The following CLUH variants were observed in gnomAD, a reference collection of about 807,000 sequenced individuals.
The protein encoded by CLUH is CLUH binding protein of NUMT mRNA.
In CLUH, 77 loss-of-function variants were observed where a neutral mutation model predicts 139.3. The ratio of observed to expected loss-of-function variants is 0.55; its 90% CI spans 0.46 to 0.67. The LOEUF is 0.67. Among genes scored for constraint, CLUH ranks in the 30% least tolerant of loss-of-function variants. The probability of loss-of-function intolerance (pLI) is 0.00; values close to 1 mark genes in which losing one functional copy is unlikely to be tolerated. For synonymous variants in CLUH, 999 were observed against 801.6 expected, an observed-to-expected ratio of 1.25 and a Z score of -4.16; for missense variants, 1,876 against 1,875.8, an observed-to-expected ratio of 1.00 and a Z score of 0.00.
In CLUH at chr17:2,707,588, T is replaced by C; in HGVS notation, c.101-3024A>G. On this transcript the variant is annotated intron_variant, in intron 1 of 25. Transcript: ENST00000651024. The surrounding 1 kb of genome is among the most constrained non-coding windows in gnomAD (Gnocchi z 7.4). ...CGGAGAACCCAGAATTTGGGGTACC[T>C]GGACCCCTCAAGATTGAGGGCCTAG... 1 of 985,382 alleles carries C rather than the reference T, an allele frequency of 1.0e-6. No homozygotes were observed. Among genetic ancestry groups the C allele is most frequent in the Non-Finnish European group, 1.2e-6 (1 of 829,894 alleles). The allele number at this position is 985,382 out of a possible 1,614,324, so 61.0% of individuals were successfully genotyped here. A position where few individuals can be genotyped will look rare whatever the true frequency, so the allele number is the denominator to read the frequency against.
chr17:2,691,569 C>A lies in CLUH; in HGVS notation c.3863+40G>T, dbSNP rs779896187. On this transcript the variant is annotated intron_variant, in intron 25 of 25. Transcript: ENST00000651024. ...GGGCGAGACTCCGACTCACAAAAAA[C>A]CCCCAACCGGGAGACACTCGAGTGG... 6.2e-5 allele frequency: 98 copies of A among 1,589,302 alleles called. No homozygotes were observed. In the African/African-American group the frequency reaches 7.7e-4, roughly 12 times the overall value.
chr17:2,711,687 G>C lies in CLUH; in HGVS notation c.-26C>G. Reference sequence around the variant, plus strand: ...GGTGGCGGGAGCGGGCGTCCGCCTCGGCTGTCCGCGCCGCCCGCCGCGCCA... The same window carrying C: ...GGTGGCGGGAGCGGGCGTCCGCCTCCGCTGTCCGCGCCGCCCGCCGCGCCA... On this transcript the variant is annotated 5_prime_UTR_variant, in exon 1 of 26. Coordinates refer to ENST00000651024, the MANE Select transcript of CLUH (RefSeq NM_001366661.1). The C allele has an allele frequency of 3.2e-6, 3 of 944,266 alleles. No individual in the cohort carries two copies. Among genetic ancestry groups the C allele is most frequent in the South Asian group, 9.7e-5 (2 of 20,520 alleles). The allele number at this position is 944,266 out of a possible 1,614,324, so 58.5% of individuals were successfully genotyped here.
chr17:2,691,951 G>GCC (rs1297340509), intron 23 of CLUH, 53 bp downstream of exon 23: 3 of 1,084,846 alleles, frequency 2.8e-6, no homozygotes, highest in African/African-American at 4.6e-5. Flanking sequence ...CCCCGCCCCC[G>GCC]CCCCGCCACG....
At chr17:2,696,971 G>A (rs762063701) in intron 10 of CLUH, 29 bp from the exon 11 acceptor site, 17 of 1,488,936 alleles carry the variant, frequency 1.1e-5, no homozygotes, top group Non-Finnish European at 1.3e-5. Context: ...GGCAGAGCAG[G>A]AGCTGGACAT....
intron 11 of CLUH, 47 bp from the exon 12 acceptor site, chr17:2,696,585 T>G (rs370269687): frequency 6.5e-7 from 1 of 1,533,658 alleles, no homozygotes; most frequent in Non-Finnish European, 8.8e-7. Context: ...CTGCCACCGG[T>G]GGAGCTGGGC....
chr17:2,699,929 C>G (rs2151710681), intron 9 of CLUH, among the ~76,000 whole-genome samples: 1 of 152,318 alleles, frequency 6.6e-6, no homozygotes, highest in South Asian at 2.1e-4. Flanking sequence ...TGAAGCCGGC[C>G]TGAGATTTTT....
At position 2,706,076 on chromosome 17, in the gene CLUH, C is replaced by T. The variant is rs984469998; in HGVS notation, c.101-1512G>A. 1.3e-5 allele frequency among the ~76,000 whole-genome samples: 2 copies of T among 152,122 alleles called. No homozygotes were observed. Among genetic ancestry groups the T allele is most frequent in the Non-Finnish European group, 2.9e-5 (2 of 68,016 alleles). On this transcript the variant is annotated intron_variant, in intron 1 of 25. Coordinates refer to ENST00000651024, the MANE Select transcript of CLUH (RefSeq NM_001366661.1). This position sits in a 1 kb window ranked among gnomAD's most constrained non-coding sequence, Gnocchi z 4.6. ...GGGTTCCCTTCCAGAAAGAAGAGCT[C>T]GCCCAGCTCTGCCCATCCCATCTAG... is the stretch of plus-strand genomic sequence containing the variant.
chr17:2,697,383 G>A (rs2069992368), intron 10 of CLUH, among the ~76,000 whole-genome samples: 1 of 150,056 alleles, frequency 6.7e-6, no homozygotes, highest in African/African-American at 2.5e-5. Flanking sequence ...TAGGCGACAA[G>A]AGTGAAACTC....
intron 13 of CLUH, 53 bp downstream of exon 13, chr17:2,696,106 G>A (rs2069930622): frequency 1.4e-6 from 2 of 1,410,906 alleles, no homozygotes; most frequent in African/African-American, 1.4e-5. Context: ...AGACAGATGA[G>A]GGACCAGCAC....
In CLUH at chr17:2,702,000, T is replaced by C. The variant is rs778662076; in HGVS notation, c.533A>G (p.Lys178Arg). The change falls in exon 4 of 26, where the codon AAG becomes AGG. Residue 178 changes from lysine to arginine, a missense_variant. Coordinates refer to ENST00000651024, the MANE Select transcript of CLUH (RefSeq NM_001366661.1). ...GAAGGCATCGGATGGGTCCAGGCTC[T>C]TGAGCAGGTCTCGGACATGGCGCAC... ...IHVRHVRDLL[K>R]SLDPSDAFNG... The C allele has an allele frequency of 1.2e-6, 2 of 1,614,024 alleles. No individual in the cohort carries two copies. The highest frequency in any genetic ancestry group is 1.7e-6 in the Non-Finnish European group (2 of 1,179,904).
chr17:2,707,647 G>C lies in CLUH; in HGVS notation c.101-3083C>G. On this transcript the variant is annotated intron_variant, in intron 1 of 25. Transcript: ENST00000651024. This position sits in a 1 kb window ranked among gnomAD's most constrained non-coding sequence, Gnocchi z 7.4. The stretch of plus-strand genomic sequence containing the variant: ...CTGGCAGGGGCAGGGCCCAGCAAGG[G>C]GGTCCTCTCCTCCGCTCCCATCCCA... 5.1e-6 allele frequency: 5 copies of C among 985,406 alleles called. No individual in the cohort carries two copies. Among genetic ancestry groups the C allele is most frequent in the Non-Finnish European group, 6.0e-6 (5 of 829,904 alleles). 61.0% of individuals were successfully genotyped at this position (985,406 alleles called of 1,614,324 possible). A position where few individuals can be genotyped will look rare whatever the true frequency, so the allele number is the denominator to read the frequency against.
At chr17:2,708,707 T>C (rs1438118182) in intron 1 of CLUH, among the ~76,000 whole-genome samples, 1 of 149,714 alleles carries the variant, frequency 6.7e-6, no homozygotes. Flanking sequence ...ACCCACCCGC[T>C]CCCACCGACC....
chr17:2,690,552 T>C lies in CLUH; in HGVS notation c.*42A>G, dbSNP rs772852077. 3 of 1,408,278 alleles carry C rather than the reference T, an allele frequency of 2.1e-6. No homozygotes were observed. The African/African-American group carries it at 4.5e-5, about 21-fold the overall frequency. The allele number at this position is 1,408,278 out of a possible 1,614,324, so 87.2% of individuals were successfully genotyped here. The stretch of plus-strand genomic sequence containing the variant: ...CCCCTTCTCCCGCAGTCGGGCTCCC[T>C]GGTGACGGGGCCGCTGGCTGGCTGT... On this transcript the variant is annotated 3_prime_UTR_variant, in exon 26 of 26. Transcript: ENST00000651024.
intron 10 of CLUH, 148 bp downstream of exon 10, chr17:2,697,748 G>C (rs1191541942): frequency 6.5e-6 from 5 of 770,614 alleles, no homozygotes; most frequent in African/African-American, 1.8e-5. Context: ...AGGGCAGGTG[G>C]GGACGGGTCT....
Position 2,703,228 on chromosome 17 carries a change from C to G in CLUH, c.475+90G>C, listed in dbSNP as rs1284851612. 1.5e-6 allele frequency: 2 copies of G among 1,372,776 alleles called. No homozygotes were observed. The highest frequency in any genetic ancestry group is 2.7e-5 in the South Asian group (2 of 74,022). 85.0% of individuals were successfully genotyped at this position (1,372,776 alleles called of 1,614,324 possible). ...CCAATCCTGCCTCCATGAGCTCATC[C>G]GTGACACAGGGACCCTGGCATGGAT... is the stretch of plus-strand genomic sequence containing the variant. On this transcript the variant is annotated intron_variant, in intron 3 of 25. Coordinates refer to ENST00000651024, the MANE Select transcript of CLUH (RefSeq NM_001366661.1). The surrounding 1 kb of genome is among the most constrained non-coding windows in gnomAD (Gnocchi z 4.2).
rs1281023673 is a variant in CLUH, at chr17:2,706,334, CT to C, written c.101-1771del. ...TCTAAGAGCTCAGAGTCTCTTCCCC[CT>C]TACCCCAAAGAGGGGTATTTGAAGC... is the stretch of plus-strand genomic sequence containing the variant. On this transcript the variant is annotated intron_variant, in intron 1 of 25. Coordinates refer to ENST00000651024, the MANE Select transcript of CLUH (RefSeq NM_001366661.1). The surrounding 1 kb of genome is among the most constrained non-coding windows in gnomAD (Gnocchi z 4.6). Among the ~76,000 whole-genome samples, 2 of 152,144 alleles carry C rather than the reference CT, an allele frequency of 1.3e-5. No homozygotes were observed. The highest frequency in any genetic ancestry group is 4.8e-5 in the African/African-American group (2 of 41,416).
At chr17:2,696,593 G>T in intron 11 of CLUH, 55 bp from the exon 12 acceptor site, 1 of 1,533,182 alleles carries the variant, frequency 6.5e-7, no homozygotes. Flanking sequence ...GGTGGAGCTG[G>T]GCTGCGCCAA....
chr17:2,702,382 C>T (rs1413128751), intron 3 of CLUH, among the ~76,000 whole-genome samples: 2 of 152,172 alleles, frequency 1.3e-5, no homozygotes, highest in Non-Finnish European at 2.9e-5. Context: ...CTGGGCAGGG[C>T]TTTTGGAGCT....
At chr17:2,692,904 C>A in intron 19 of CLUH, 44 bp from the exon 20 acceptor site, 1 of 1,528,332 alleles carries the variant, frequency 6.5e-7, no homozygotes, top group South Asian at 1.3e-5. Context: ...GGAACCCCCA[C>A]TGCACCCAGA....
Sources: allele counts gnomAD v4.1 joint callset (sites outside exome capture counted in the v4.1 genomes callset), GRCh38; gene constraint gnomAD v4.1.1; non-coding constraint Gnocchi (gnomAD v3.1); transcripts MANE v1.5; gene names NCBI Gene and HGNC (gene_info 2026-07-23, HGNC 2026-07-21).